The following ARL17B variants were observed in gnomAD, a reference collection of about 807,000 sequenced individuals.
The protein encoded by ARL17B is ARF like GTPase 17B, also known as ADP-ribosylation factor-like protein 17.
At chr17:46,330,897 C>T (rs1269800485), downstream of ARL17B, 2 of 724,846 alleles carry the variant, frequency 2.8e-6, no homozygotes, top group East Asian at 5.2e-5. Context: ...AAAAGGCTCA[C>T]GAGTCCAGCC....
intron 4 of ARL17B, among the ~76,000 whole-genome samples, chr17:46,287,982 A>G (rs368614860): frequency 1.3e-5 from 2 of 152,226 alleles, no homozygotes; most frequent in African/African-American, 4.8e-5. Context: ...ATTACCATGA[A>G]TCACAGGGAA....
chr17:46,351,916 C>T (rs1245353188), intron 3 of ARL17B, among the ~76,000 whole-genome samples: 1 of 152,264 alleles, frequency 6.6e-6, no homozygotes, highest in Admixed American at 6.5e-5. Flanking sequence ...ACAGATTCAA[C>T]CCACCTTGAA....
At chr17:46,279,712 T>G (rs2049707626) in intron 4 of ARL17B, among the ~76,000 whole-genome samples, 1 of 151,788 alleles carries the variant, frequency 6.6e-6, no homozygotes, top group African/African-American at 2.4e-5. Context: ...CCCGGGCTGG[T>G]CTAGAATTCC....
intron 3 of ARL17B, among the ~76,000 whole-genome samples, chr17:46,304,934 T>A (rs1341637892): frequency 1.5e-5 from 1 of 67,688 alleles, no homozygotes; most frequent in African/African-American, 3.5e-5. Flanking sequence ...AGTGGTGCGA[T>A]CTCGGCTCAC....
At chr17:46,319,212 ATTTTTTTTTTTTTTTTTT>A (rs1225879085) in intron 3 of ARL17B, among the ~76,000 whole-genome samples, 1 of 1,640 alleles carries the variant, frequency 6.1e-4, no homozygotes, top group Admixed American at 4.4e-3. Context: ...ATTGTGGTCA[ATTTTTTTTTTTTTTTTTT>A]TTTTTTTTTT....
At chr17:46,354,948 AAAAGAAAG>A in intron 2 of ARL17B, among the ~76,000 whole-genome samples, 1 of 20,628 alleles carries the variant, frequency 4.8e-5, no homozygotes, top group Admixed American at 4.5e-4. Context: ...TCCAAGAAAG[AAAAGAAAG>A]AAAAGAGGAA....
intron 4 of ARL17B, among the ~76,000 whole-genome samples, chr17:46,282,792 GAGAA>G (rs1355718632): frequency 6.6e-6 from 1 of 152,204 alleles, no homozygotes. Context: ...CTACAGAAGA[GAGAA>G]AGCACCCCGT....
chr17:46,277,659 T>C (rs948332941), intron 4 of ARL17B, among the ~76,000 whole-genome samples: 1 of 151,558 alleles, frequency 6.6e-6, no homozygotes, highest in African/African-American at 2.4e-5. Context: ...CTTTCTTTTT[T>C]TTTTTTTGAG....
intron 4 of ARL17B, among the ~76,000 whole-genome samples, chr17:46,276,774 A>ATTTTTTTC (rs1173136616): frequency 6.7e-6 from 1 of 148,488 alleles, no homozygotes; most frequent in African/African-American, 2.5e-5. Context: ...TTGCATTGTA[A>ATTTTTTTC]TTTTTTTCTT....
At chr17:46,278,531 G>C (rs1228025149) in intron 4 of ARL17B, among the ~76,000 whole-genome samples, 1 of 151,650 alleles carries the variant, frequency 6.6e-6, no homozygotes, top group Non-Finnish European at 1.5e-5. Flanking sequence ...AGCCTCCTGA[G>C]TAGCTGGGAT....
chr17:46,280,722 C>T (rs2696517), intron 4 of ARL17B, among the ~76,000 whole-genome samples: 18,385 of 149,316 alleles, frequency 0.12, 2 homozygotes, highest in Middle Eastern at 0.19. Flanking sequence ...TACAGGCATG[C>T]GCCACTATGC....
rs1598090867 is a variant in ARL17B at position 46,293,522 on chromosome 17, A to G, written c.*21+6004T>C. 3 of 346,678 alleles carry G rather than the reference A, an allele frequency of 8.7e-6. 1 individual carries two copies. Among genetic ancestry groups the G allele is most frequent in the Non-Finnish European group, 1.1e-5 (3 of 262,392 alleles). 21.5% of individuals were successfully genotyped at this position (346,678 alleles called of 1,614,324 possible). A position where few individuals can be genotyped will look rare whatever the true frequency, so the allele number is the denominator to read the frequency against. ...AAGCTCCTCACGTGGCAAGCAATGC[A>G]TGACTGCATATGAAAGCTCTTAAAT... On this transcript the variant is annotated intron_variant, in intron 4 of 4. Coordinates refer to the ARL17B transcript ENST00000570618.
chr17:46,298,723 C>CAAAA (rs1189992034), downstream of ARL17B, among the ~76,000 whole-genome samples: 1 of 40,434 alleles, frequency 2.5e-5, no homozygotes, highest in African/African-American at 8.2e-5. Flanking sequence ...GACTCCATCT[C>CAAAA]AAAAAAAAAA....
At chr17:46,289,234 C>T (rs1282699292) in intron 4 of ARL17B, among the ~76,000 whole-genome samples, 1 of 152,164 alleles carries the variant, frequency 6.6e-6, no homozygotes, top group Non-Finnish European at 1.5e-5. Flanking sequence ...CCTGCCTGGA[C>T]TGCAGTGACA....
chr17:46,279,399 G>T (rs530616034), intron 4 of ARL17B, among the ~76,000 whole-genome samples: 1 of 151,466 alleles, frequency 6.6e-6, no homozygotes, highest in Non-Finnish European at 1.5e-5. Flanking sequence ...GTCCAGGCTG[G>T]TCTTGAACTC....
chr17:46,289,009 A>G (rs1037995698), intron 4 of ARL17B, among the ~76,000 whole-genome samples: 5 of 151,880 alleles, frequency 3.3e-5, no homozygotes, highest in Admixed American at 3.3e-4. Flanking sequence ...CCAACATACT[A>G]TTGTCTCAAT....
chr17:46,332,636 A>G (rs2052043242), downstream of ARL17B: 2 of 1,187,806 alleles, frequency 1.7e-6, no homozygotes, highest in Non-Finnish European at 1.2e-6. Context: ...GATTTTGATT[A>G]TACTTTTCTG....
intron 4 of ARL17B, among the ~76,000 whole-genome samples, chr17:46,277,718 C>G (rs2049630593): frequency 6.6e-6 from 1 of 151,718 alleles, no homozygotes; most frequent in Non-Finnish European, 1.5e-5. Flanking sequence ...GGGATCTCAG[C>G]TCACTGCAAC....
chr17:46,325,999 T>C (rs2051713704), intron 3 of ARL17B, among the ~76,000 whole-genome samples: 1 of 63,810 alleles, frequency 1.6e-5, no homozygotes, highest in African/African-American at 3.4e-5. Flanking sequence ...TTTGGGCTCA[T>C]GCCTGTAATC....
Sources: allele counts gnomAD v4.1 joint callset (sites outside exome capture counted in the v4.1 genomes callset), GRCh38; gene constraint gnomAD v4.1.1; transcripts MANE v1.5; gene names NCBI Gene and HGNC (gene_info 2026-07-23, HGNC 2026-07-21).